The following WASF2 variants were observed in gnomAD, a reference collection of about 807,000 sequenced individuals.
WASF2 encodes actin-binding protein WASF2.
WASF2 carries 14 observed loss-of-function variants against 45.0 expected under a neutral mutation model. That is an observed-to-expected ratio of 0.31 (90% CI 0.21 to 0.49). The LOEUF is 0.49. WASF2 is among the 20% of genes least tolerant of loss of function. WASF2 has a pLI of 0.99. For missense variants in WASF2, 439 were observed against 636.1 expected, an observed-to-expected ratio of 0.69 and a Z score of 3.33; for synonymous variants, 200 against 236.3, an observed-to-expected ratio of 0.85 and a Z score of 1.41.
At chr1:27,409,614 C>G in intron 8 of WASF2, 78 bp downstream of exon 8, 2 of 1,388,472 alleles carry the variant, frequency 1.4e-6, no homozygotes, top group Non-Finnish European at 1.9e-6. Context: ...CAGGGACCCC[C>G]TCACCCATCC....
chr1:27,412,477 C>A lies in WASF2; in HGVS notation c.824+95G>T. 3 of 1,527,938 alleles carry A rather than the reference C, an allele frequency of 2.0e-6. No homozygotes were observed. The South Asian group carries it at 3.5e-5, about 18-fold the overall frequency. The allele number at this position is 1,527,938 out of a possible 1,614,324, so 94.6% of individuals were successfully genotyped here. A position where few individuals can be genotyped will look rare whatever the true frequency, so the allele number is the denominator to read the frequency against. ...CCCACCACCTTGGCCTCCCAAAGAGCTGGGATTACAGGCGTGAGCCACTGC... is the reference window on the plus strand; with the variant it reads ...CCCACCACCTTGGCCTCCCAAAGAGATGGGATTACAGGCGTGAGCCACTGC... On this transcript the variant is annotated intron_variant, in intron 7 of 8. Transcript: ENST00000618852.
At chr1:27,454,141 G>A (rs1486341968) in intron 1 of WASF2, among the ~76,000 whole-genome samples, 27,700 of 41,258 alleles carry the variant, frequency 0.67, 8,745 homozygotes, top group Non-Finnish European at 0.73. Context: ...ATATATGTGT[G>A]TGTGTGTGTG....
chr1:27,486,114 C>T (rs1553152746), intron 1 of WASF2, among the ~76,000 whole-genome samples: 2 of 151,980 alleles, frequency 1.3e-5, no homozygotes, highest in Non-Finnish European at 2.9e-5. Context: ...GGAGGCAAAA[C>T]CTGACAAGAA....
chr1:27,410,147 A>C lies in WASF2; in HGVS notation c.884T>G (p.Val295Gly), dbSNP rs749557530. The C allele has an allele frequency of 1.9e-6, 3 of 1,613,948 alleles. No homozygotes were observed. In the South Asian group the frequency reaches 3.3e-5, roughly 18 times the overall value. The change falls in exon 8 of 9, where the codon GTC (valine) becomes GGC (glycine). Residue 295 changes from valine to glycine, a missense_variant. This residue lies in a region of WASF2 where 286 missense variants were observed against 373.5 expected (regional missense o/e 0.77). Coordinates refer to ENST00000618852, the MANE Select transcript of WASF2 (RefSeq NM_006990.5). The surrounding 1 kb of genome is among the most constrained non-coding windows in gnomAD (Gnocchi z 4.2). ...AGCTGGTGGTGGATGGCTTGGGCTG[A>C]CCACACTGGATCTTTTGGGTCCAGC... Reference protein sequence around the residue: ...GLAGPKRSSVVSPSHPPPAPP... With the variant: ...GLAGPKRSSVGSPSHPPPAPP...
chr1:27,436,652 T>C (rs780703794), intron 1 of WASF2, among the ~76,000 whole-genome samples: 1 of 152,162 alleles, frequency 6.6e-6, no homozygotes, highest in Non-Finnish European at 1.5e-5. Context: ...ATGCAGCAAC[T>C]ACAAGGAAGA....
intron 1 of WASF2, chr1:27,457,125 G>T (rs1245574492): frequency 1.3e-5 from 2 of 151,826 alleles, no homozygotes; most frequent in Admixed American, 6.6e-5. Context: ...TGATCCACCT[G>T]CCTCGGCCTC....
At chr1:27,420,937 TA>T in intron 2 of WASF2, among the ~76,000 whole-genome samples, 1 of 152,342 alleles carries the variant, frequency 6.6e-6, no homozygotes, top group East Asian at 1.9e-4. Context: ...GCTTCAAAAC[TA>T]CATTTATGCT....
intron 6 of WASF2, among the ~76,000 whole-genome samples, chr1:27,413,836 G>A (rs1177680424): frequency 6.6e-6 from 1 of 152,184 alleles, no homozygotes; most frequent in East Asian, 1.9e-4. Flanking sequence ...TTTACTGGGA[G>A]GTGAAGGTAA....
intron 1 of WASF2, among the ~76,000 whole-genome samples, chr1:27,430,374 T>G (rs1388179442): frequency 4.6e-5 from 7 of 152,204 alleles, no homozygotes; most frequent in Non-Finnish European, 8.8e-5. Flanking sequence ...TTTTTATTCT[T>G]TTTTGAGACA....
At chr1:27,420,514 CTTTT>C (rs782294669) in intron 2 of WASF2, among the ~76,000 whole-genome samples, 9 of 82,492 alleles carry the variant, frequency 1.1e-4, no homozygotes, top group Admixed American at 8.0e-4. Context: ...ACCATCTGAG[CTTTT>C]TTTTTTTTTT....
At chr1:27,460,880 T>G (rs560262592) in intron 1 of WASF2, among the ~76,000 whole-genome samples, 135 of 152,366 alleles carry the variant, frequency 8.9e-4, no homozygotes, top group Admixed American at 2.7e-3. Flanking sequence ...GGCTCACGCC[T>G]GTAATCCCAG....
intron 1 of WASF2, among the ~76,000 whole-genome samples, chr1:27,463,453 G>A (rs1047649168): frequency 2.0e-5 from 3 of 151,392 alleles, no homozygotes; most frequent in South Asian, 2.1e-4. Flanking sequence ...GTAAAACCCC[G>A]TCTCTAGAAA....
chr1:27,433,874 G>A (rs2017098304), intron 1 of WASF2, among the ~76,000 whole-genome samples: 1 of 152,236 alleles, frequency 6.6e-6, no homozygotes. Context: ...GAAAACCAGT[G>A]AAGTGGTGGT....
At chr1:27,485,475 A>G (rs2017910979) in intron 1 of WASF2, among the ~76,000 whole-genome samples, 1 of 152,188 alleles carries the variant, frequency 6.6e-6, no homozygotes, top group Non-Finnish European at 1.5e-5. Flanking sequence ...AATTAAAAAC[A>G]AAAGAGGTGG....
intron 1 of WASF2, among the ~76,000 whole-genome samples, chr1:27,477,088 C>T (rs2017775863): frequency 6.6e-6 from 1 of 152,130 alleles, no homozygotes; most frequent in Non-Finnish European, 1.5e-5. Context: ...ACATATTATC[C>T]TATCCTTGTA....
chr1:27,483,214 A>G (rs1231629549), intron 1 of WASF2, among the ~76,000 whole-genome samples: 1 of 152,140 alleles, frequency 6.6e-6, no homozygotes, highest in Non-Finnish European at 1.5e-5. Context: ...TCACATCCAT[A>G]ATCCCAGCAA....
chr1:27,462,795 C>A (rs2017563968), intron 1 of WASF2, among the ~76,000 whole-genome samples: 1 of 152,032 alleles, frequency 6.6e-6, no homozygotes, highest in African/African-American at 2.4e-5. Context: ...AGAACAGTTG[C>A]TGATATTCAG....
At position 27,406,993 on chromosome 1, in the gene WASF2, A is replaced by G. The variant is rs2148094233; in HGVS notation, c.*1196T>C. The G allele has an allele frequency of 6.6e-6, 1 of 152,442 alleles. No individual in the cohort carries two copies. The highest frequency in any genetic ancestry group is 1.9e-4 in the East Asian group (1 of 5,192). The allele number at this position is 152,442 out of a possible 1,614,324, so 9.4% of individuals were successfully genotyped here. On this transcript the variant is annotated 3_prime_UTR_variant, in exon 9 of 9. Coordinates refer to ENST00000618852, the MANE Select transcript of WASF2 (RefSeq NM_006990.5). The stretch of plus-strand genomic sequence containing the variant: ...TCTCTCACTACTTCTGGTCCCCCAG[A>G]GAGGCTGGTCCCAAGGCTATGTGGT...
In WASF2 at chr1:27,409,428, C is replaced by CAAAA. The variant is rs60940665; in HGVS notation, c.1339+260_1339+263dup. On this transcript the variant is annotated intron_variant, in intron 8 of 8. Coordinates refer to ENST00000618852, the MANE Select transcript of WASF2 (RefSeq NM_006990.5). ...CAAAAGAGCCAGACTCTGTCCCCCA[C>CAAAA]AAAAAAAAAAAAAAAAAAAAAAAAA... Among the ~76,000 whole-genome samples, 113 of 43,676 alleles carry CAAAA rather than the reference C, an allele frequency of 2.6e-3. 2 individuals carry two copies. The highest frequency in any genetic ancestry group is 3.3e-3 in the African/African-American group (55 of 16,578). The allele number at this position is 43,676 out of a possible 152,430, so 28.7% of individuals were successfully genotyped here. A position where few individuals can be genotyped will look rare whatever the true frequency, so the allele number is the denominator to read the frequency against.
Sources: gnomAD v4.1 joint callset for allele counts (sites outside exome capture counted in the v4.1 genomes callset) on GRCh38, gnomAD v4.1.1 for gene constraint, gnomAD v4.1.1 regional missense constraint, Gnocchi (gnomAD v3.1) non-coding constraint, MANE v1.5 for transcripts, NCBI Gene and HGNC (gene_info 2026-07-23, HGNC 2026-07-21) for gene names.